Variants in RAPH1 observed in about 807,000 individuals in gnomAD.
The protein encoded by RAPH1 is ras-associated and pleckstrin homology domains-containing protein 1.
In RAPH1, 18 loss-of-function variants were observed where a neutral mutation model predicts 88.1. The ratio of observed to expected loss-of-function variants is 0.20; its 90% CI spans 0.14 to 0.30. The LOEUF is 0.30. RAPH1 is among the 10% of genes least tolerant of loss of function. The pLI is 1.00. For synonymous variants in RAPH1, 587 were observed against 559.0 expected (o/e 1.05, Z -0.71); for missense variants, 1,448 against 1,543.2 (o/e 0.94, Z 1.03).
chr2:203,441,568 A>G (rs2098504188), intron 13 of RAPH1, 155 bp from the exon 14 acceptor site: 3 of 1,368,810 alleles, frequency 2.2e-6, no homozygotes, highest in Non-Finnish European at 2.8e-6. Flanking sequence ...AAGATGGACA[A>G]TGTCAGGAAG....
rs1403050770 is a variant in RAPH1 at position 203,457,174 on chromosome 2, AT to A, written c.1158+355del. 5.3e-4 allele frequency among the ~76,000 whole-genome samples: 81 copies of A among 151,648 alleles called. 1 individual carries two copies. The East Asian group carries it at 0.015, about 29-fold the overall frequency. ...ACTTCAAAAAGGTATTTAATATTTT[AT>A]TTTATTTATTTATTTATTTATTTAT... is the stretch of plus-strand genomic sequence containing the variant. On this transcript the variant is annotated intron_variant, in intron 8 of 13. Transcript: ENST00000319170.
At chr2:203,525,870 C>G (rs1690092615) in intron 1 of RAPH1, among the ~76,000 whole-genome samples, 1 of 152,044 alleles carries the variant, frequency 6.6e-6, no homozygotes, top group Admixed American at 6.6e-5. Flanking sequence ...ATAAAACAGG[C>G]AAAACTTACC....
At chr2:203,496,813 A>G (rs1437366464) in intron 1 of RAPH1, among the ~76,000 whole-genome samples, 1 of 152,156 alleles carries the variant, frequency 6.6e-6, no homozygotes, top group East Asian at 1.9e-4. Flanking sequence ...CATCATCACC[A>G]TATGTTACAT....
In RAPH1 at chr2:203,440,698, G is replaced by A. The variant is rs777711804; in HGVS notation, c.2492C>T (p.Pro831Leu). Reference sequence around the variant, plus strand: ...TGTTGGCGGGGGTACTGGAACAGGAGGGGTAGGGGGAGAGGGTGGAATGTA... The same window carrying A: ...TGTTGGCGGGGGTACTGGAACAGGAAGGGTAGGGGGAGAGGGTGGAATGTA... ...ASYIPPSPPTPPVPVPPPTLP... is the reference protein window; with the variant it reads ...ASYIPPSPPTLPVPVPPPTLP... Residue 831 changes from proline to leucine, a missense_variant, in exon 14 of 14, where the codon CCT (proline) becomes CTT (leucine). Around this residue, in one of 2 missense-constraint regions of RAPH1, gnomAD observed 935 missense variants for 890.1 expected, o/e 1.05. Coordinates refer to ENST00000319170, the MANE Select transcript of RAPH1 (RefSeq NM_213589.3). 6.3e-7 allele frequency: 1 copy of A among 1,595,882 alleles called. No individual in the cohort carries two copies. The highest frequency in any genetic ancestry group is 2.2e-5 in the East Asian group (1 of 44,746).
chr2:203,508,610 G>GA (rs1225016619), intron 1 of RAPH1, among the ~76,000 whole-genome samples: 1 of 151,796 alleles, frequency 6.6e-6, no homozygotes, highest in African/African-American at 2.4e-5. Context: ...ATGTTTGGCT[G>GA]AAAAAAAATC....
At chr2:203,526,084 A>G (rs908716830) in intron 1 of RAPH1, among the ~76,000 whole-genome samples, 40 of 152,308 alleles carry the variant, frequency 2.6e-4, no homozygotes, top group Admixed American at 2.6e-3. Context: ...TTTATTTTTA[A>G]TTAAGGGTAC....
At chr2:203,466,583 T>C (rs1199501364) in intron 4 of RAPH1, among the ~76,000 whole-genome samples, 1 of 152,256 alleles carries the variant, frequency 6.6e-6, no homozygotes, top group African/African-American at 2.4e-5. Flanking sequence ...TTATTCATCT[T>C]ATGTTCCGCT....
chr2:203,533,660 T>A, intron 1 of RAPH1, among the ~76,000 whole-genome samples: 1 of 151,970 alleles, frequency 6.6e-6, no homozygotes, highest in Admixed American at 6.6e-5. Context: ...TCTTCTTCGC[T>A]CTCCTATTCT....
chr2:203,519,065 A>T (rs1689749224), intron 1 of RAPH1, among the ~76,000 whole-genome samples: 1 of 152,198 alleles, frequency 6.6e-6, no homozygotes, highest in South Asian at 2.1e-4. Flanking sequence ...GAATTCTACC[A>T]AACATTTAGT....
At chr2:203,505,239 G>A (rs1319944427) in intron 1 of RAPH1, among the ~76,000 whole-genome samples, 1 of 152,166 alleles carries the variant, frequency 6.6e-6, no homozygotes. Flanking sequence ...AGAAAAAGAG[G>A]TTTAATTGGA....
intron 13 of RAPH1, 142 bp downstream of exon 13, chr2:203,444,726 C>T: frequency 2.8e-6 from 2 of 708,802 alleles, no homozygotes; most frequent in Non-Finnish European, 4.6e-6. Flanking sequence ...TCTTTACCCA[C>T]TACAATTAGG....
chr2:203,494,546 C>T (rs1225820519), intron 2 of RAPH1, among the ~76,000 whole-genome samples: 2 of 152,058 alleles, frequency 1.3e-5, no homozygotes, highest in African/African-American at 4.8e-5. Context: ...TGGTGGCTCA[C>T]GCCTGTAATC....
At chr2:203,514,554 G>T (rs1689511184) in intron 1 of RAPH1, among the ~76,000 whole-genome samples, 1 of 151,556 alleles carries the variant, frequency 6.6e-6, no homozygotes, top group Admixed American at 6.6e-5. Context: ...TAAAATTTGT[G>T]GGGTTTTTTT....
intron 6 of RAPH1, 103 bp downstream of exon 6, chr2:203,461,146 C>CATATAT: frequency 2.1e-6 from 1 of 474,286 alleles, no homozygotes; most frequent in Non-Finnish European, 3.2e-6. Flanking sequence ...AAAATAAAAA[C>CATATAT]ATATATATAT....
chr2:203,450,673 T>C (rs2098514081), intron 10 of RAPH1, among the ~76,000 whole-genome samples: 1 of 152,240 alleles, frequency 6.6e-6, no homozygotes, highest in Non-Finnish European at 1.5e-5. Context: ...TGAAAAGAGC[T>C]CTGTTAGTGT....
intron 1 of RAPH1, among the ~76,000 whole-genome samples, chr2:203,497,077 T>A (rs577748341): frequency 6.6e-6 from 1 of 152,242 alleles, no homozygotes; most frequent in Non-Finnish European, 1.5e-5. Context: ...AAAGAAGTGA[T>A]TGGGCCATAA....
chr2:203,485,410 C>CAA (rs71007521), intron 4 of RAPH1, among the ~76,000 whole-genome samples: 27 of 93,432 alleles, frequency 2.9e-4, no homozygotes, highest in African/African-American at 3.9e-4. Context: ...GACTCTGTCT[C>CAA]AAAAAAAAAA....
At chr2:203,529,136 T>C (rs1329410490) in intron 1 of RAPH1, among the ~76,000 whole-genome samples, 1 of 148,700 alleles carries the variant, frequency 6.7e-6, no homozygotes, top group Non-Finnish European at 1.5e-5. Flanking sequence ...CACATCACCA[T>C]GCCTGCCTAA....
chr2:203,513,738 GGCAGGAGAATT>G (rs1689468888), intron 1 of RAPH1, among the ~76,000 whole-genome samples: 1 of 149,196 alleles, frequency 6.7e-6, no homozygotes, highest in African/African-American at 2.5e-5. Context: ...GGGAGGCTGA[GGCAGGAGAATT>G]GCTTAAGCCT....
Sources: gnomAD v4.1 joint callset for allele counts (sites outside exome capture counted in the v4.1 genomes callset) on GRCh38, gnomAD v4.1.1 for gene constraint, gnomAD v4.1.1 regional missense constraint, MANE v1.5 for transcripts, NCBI Gene and HGNC (gene_info 2026-07-23, HGNC 2026-07-21) for gene names.